Variants in SIGLEC8 observed in about 807,000 individuals in gnomAD.
SIGLEC8 encodes sialic acid-binding Ig-like lectin 8.
A neutral mutation model predicts 42.1 loss-of-function variants in SIGLEC8; 32 were observed. That is an observed-to-expected ratio of 0.76 (90% CI 0.57 to 1.02). SIGLEC8 has a LOEUF of 1.02. SIGLEC8 is among the 50% of genes least tolerant of loss of function. The pLI is 0.00. For synonymous variants in SIGLEC8, 262 were observed against 260.3 expected (o/e 1.01, Z -0.06); for missense variants, 611 against 610.2 (o/e 1.00, Z -0.01).
At chr19:51,453,936 C>T (rs1989428363) in intron 6 of SIGLEC8, 4 of 984,832 alleles carry the variant, frequency 4.1e-6, no homozygotes, top group South Asian at 9.4e-5. Context: ...GCCAGCTATT[C>T]TTGGGGAGGA....
chr19:51,454,739 C>T lies in SIGLEC8; in HGVS notation c.1093G>A (p.Gly365Arg), dbSNP rs752233809. Residue 365 changes from glycine (G) to arginine (R), a missense_variant, in exon 5 of 7, where the codon GGG becomes AGG. Transcript: ENST00000321424. This position sits in a 1 kb window ranked among gnomAD's most constrained non-coding sequence, Gnocchi z 4.7. ...PVSQVTLAAV[G>R]GAGATALAFL... is the part of the protein sequence containing the mutation. ...GCCAGGGCTGTGGCTCCAGCTCCCC[C>T]GACTGCTGCCAGTGTCACTTGTGAT... is the stretch of plus-strand genomic sequence containing the variant. 7.4e-6 allele frequency: 12 copies of T among 1,613,700 alleles called. No homozygotes were observed. The East Asian group carries it at 1.3e-4, about 18-fold the overall frequency.
rs1568515875 is a variant in SIGLEC8, at chr19:51,457,662, GC to G, written c.531del (p.Trp179GlyfsTer10). 1 of 1,610,532 alleles carries G rather than the reference GC, an allele frequency of 6.2e-7. No homozygotes were observed. The highest frequency in any genetic ancestry group is 2.2e-5 in the East Asian group (1 of 44,862). Reference protein sequence around the residue: ...SGHSRNLTCSVPWACKQGTPP... With the variant: ...SGHSRNLTCSXPWACKQGTPP... ...GGTGTCCCCTGCTTACAGGCCCAGG[GC>G]ACAGAGCAGGTCAGGTTCCTGGAGT... On this transcript the variant is annotated frameshift_variant, in exon 2 of 7. Coordinates refer to ENST00000321424, the MANE Select transcript of SIGLEC8 (RefSeq NM_014442.3). LOFTEE classifies it high-confidence loss of function.
chr19:51,455,742 T>C, intron 3 of SIGLEC8, 55 bp from the exon 4 acceptor site: 1 of 1,474,494 alleles, frequency 6.8e-7, no homozygotes, highest in Non-Finnish European at 9.3e-7. Context: ...CCCAAAGGAT[T>C]ATAAATCATG....
rs1361566850 is a variant in SIGLEC8 at position 51,452,510 on chromosome 19, G to C, written c.1369C>G (p.Pro457Ala). 4 of 1,607,592 alleles carry C rather than the reference G, an allele frequency of 2.5e-6. No homozygotes were observed. In the South Asian group the frequency reaches 3.3e-5, roughly 13 times the overall value. The change falls in exon 7 of 7, where the codon CCT becomes GCT. Residue 457 changes from proline to alanine, a missense_variant. By Grantham distance (27) the Pro-to-Ala change is conservative. Coordinates refer to ENST00000321424, the MANE Select transcript of SIGLEC8 (RefSeq NM_014442.3). ...YATLSFHKVK[P>A]QDPQGQEATD... Reference sequence around the variant, plus strand: ...GCCTCCTGTCCCTGCGGGTCCTGAGGCTTCACTTTATGGAAGCTGAGGGTT... The same window carrying C: ...GCCTCCTGTCCCTGCGGGTCCTGAGCCTTCACTTTATGGAAGCTGAGGGTT...
In SIGLEC8 at chr19:51,453,425, C is replaced by T. The variant is rs184849096; in HGVS notation, c.1246-792G>A. On this transcript the variant is annotated intron_variant, in intron 6 of 6. Coordinates refer to ENST00000321424, the MANE Select transcript of SIGLEC8 (RefSeq NM_014442.3). ...AAAGAAATGAATATCAGCTTGGGTG[C>T]GGTGGCTCATGCCCCTAATCCTAAC... 4.6e-3 allele frequency: 4,521 copies of T among 983,304 alleles called. 9 individuals carry two copies. Among genetic ancestry groups the T allele is most frequent in the Admixed American group, 0.012 (193 of 16,274 alleles). The allele number at this position is 983,304 out of a possible 1,614,324, so 60.9% of individuals were successfully genotyped here.
At chr19:51,452,681 A>G (rs746509516) in intron 6 of SIGLEC8, 48 bp from the exon 7 acceptor site, 1 of 1,446,456 alleles carries the variant, frequency 6.9e-7, no homozygotes, top group Non-Finnish European at 9.1e-7. Context: ...TGGGGCCAGG[A>G]TGAGGCAGGG....
intron 3 of SIGLEC8, 141 bp downstream of exon 3, chr19:51,457,043 G>T (rs963536903): frequency 5.1e-6 from 4 of 787,508 alleles, no homozygotes; most frequent in African/African-American, 1.7e-5. Context: ...ACGCGGGCTG[G>T]AGATGTGGGC....
Position 51,457,449 on chromosome 19 carries a change from T to C in SIGLEC8, c.733+12A>G, listed in dbSNP as rs1026483744. On this transcript the variant is annotated intron_variant, in intron 2 of 6. Transcript: ENST00000321424. Reference sequence around the variant, plus strand: ...CCCATGAGGGACCTGGGCATCTTGGTCCAGCACTCACAGGACACATCGAGG... The same window carrying C: ...CCCATGAGGGACCTGGGCATCTTGGCCCAGCACTCACAGGACACATCGAGG... 16 of 1,613,412 alleles carry C rather than the reference T, an allele frequency of 9.9e-6. No individual in the cohort carries two copies. Among genetic ancestry groups the C allele is most frequent in the Non-Finnish European group, 1.3e-5 (15 of 1,179,958 alleles).
chr19:51,453,912 C>A, intron 6 of SIGLEC8: 5 of 984,936 alleles, frequency 5.1e-6, no homozygotes, highest in Non-Finnish European at 6.0e-6. Context: ...TGGCTGGGGC[C>A]AGGGAGAAGA....
Position 51,454,449 on chromosome 19 carries a change from G to T in SIGLEC8, c.1149-134C>A. 6.6e-7 allele frequency: 1 copy of T among 1,507,400 alleles called. No individual in the cohort carries two copies. The highest frequency in any genetic ancestry group is 1.2e-5 in the South Asian group (1 of 84,504). 93.4% of individuals were successfully genotyped at this position (1,507,400 alleles called of 1,614,324 possible). A position where few individuals can be genotyped will look rare whatever the true frequency, so the allele number is the denominator to read the frequency against. On this transcript the variant is annotated intron_variant, in intron 5 of 6. Transcript: ENST00000321424. This position sits in a 1 kb window ranked among gnomAD's most constrained non-coding sequence, Gnocchi z 4.7. Reference sequence around the variant, plus strand: ...GCAACGGCGGTGGTCCAGTTCCAGAGACCCCAACGGTGAAAACAGAGGCTC... The same window carrying T: ...GCAACGGCGGTGGTCCAGTTCCAGATACCCCAACGGTGAAAACAGAGGCTC...
chr19:51,456,244 A>C (rs2122148504), intron 3 of SIGLEC8, among the ~76,000 whole-genome samples: 1 of 152,292 alleles, frequency 6.6e-6, no homozygotes, highest in African/African-American at 2.4e-5. Context: ...AAAAGGAGAC[A>C]GAGGGTCAGA....
At chr19:51,457,873 G>T in intron 1 of SIGLEC8, 61 bp downstream of exon 1, 1 of 1,577,506 alleles carries the variant, frequency 6.3e-7, no homozygotes. Flanking sequence ...CCCCATCCCA[G>T]CCCTGCCTTT....
At chr19:51,457,388 T>C in intron 2 of SIGLEC8, 73 bp downstream of exon 2, 8 of 1,578,478 alleles carry the variant, frequency 5.1e-6, no homozygotes, top group Non-Finnish European at 6.9e-6. Context: ...TGTCCAGGCT[T>C]GAACCCCATC....
intron 6 of SIGLEC8, among the ~76,000 whole-genome samples, chr19:51,453,029 G>A (rs1313732669): frequency 1.3e-5 from 2 of 152,054 alleles, no homozygotes; most frequent in Non-Finnish European, 2.9e-5. Context: ...AAACTATGAT[G>A]GACATGGTAG....
At chr19:51,453,876 A>G (rs771748498) in intron 6 of SIGLEC8, 5 of 985,212 alleles carry the variant, frequency 5.1e-6, no homozygotes, top group Non-Finnish European at 6.0e-6. Context: ...TCCCGCCAAT[A>G]GGAAAAATAA....
At position 51,452,319 on chromosome 19, in the gene SIGLEC8, G is replaced by A. The variant is rs539085563; in HGVS notation, c.*60C>T. The stretch of plus-strand genomic sequence containing the variant: ...TCCAAGTTTTGGTTAGACAGGAGGA[G>A]GGAGCCCTGGTGACCTACTGCATAG... On this transcript the variant is annotated 3_prime_UTR_variant, in exon 7 of 7. Coordinates refer to ENST00000321424, the MANE Select transcript of SIGLEC8 (RefSeq NM_014442.3). 2.2e-5 allele frequency: 32 copies of A among 1,426,992 alleles called. No individual in the cohort carries two copies. In the East Asian group the frequency reaches 7.2e-4, roughly 32 times the overall value. 88.4% of individuals were successfully genotyped at this position (1,426,992 alleles called of 1,614,324 possible).
rs894454978 is a variant in SIGLEC8, at chr19:51,453,483, G to A, written c.1245+736C>T. The A allele has an allele frequency of 1.5e-5, 11 of 732,706 alleles. No homozygotes were observed. In the African/African-American group the frequency reaches 1.9e-4, roughly 13 times the overall value. 45.4% of individuals were successfully genotyped at this position (732,706 alleles called of 1,614,324 possible). A position where few individuals can be genotyped will look rare whatever the true frequency, so the allele number is the denominator to read the frequency against. On this transcript the variant is annotated intron_variant, in intron 6 of 6. Transcript: ENST00000321424. The stretch of plus-strand genomic sequence containing the variant: ...GAGGCTGAGGCGGGCGGATCACGAG[G>A]TCAGGAGTTCGAGACCAGCTGGCCG...
chr19:51,453,719 G>A, intron 6 of SIGLEC8: 3 of 971,966 alleles, frequency 3.1e-6, no homozygotes, highest in Non-Finnish European at 3.7e-6. Context: ...AATAAGAAAT[G>A]AGTATCTACA....
In SIGLEC8 at chr19:51,452,246, T is replaced by C. The variant is rs2122137848; in HGVS notation, c.*133A>G. ...GAGGAGAATGGTGGGTAGTAGAAGC[T>C]AGAGGCAGGGATGGGTCCCTGGTAG... is the stretch of plus-strand genomic sequence containing the variant. On this transcript the variant is annotated 3_prime_UTR_variant, in exon 7 of 7. Transcript: ENST00000321424. The C allele has an allele frequency of 1.5e-6, 1 of 667,248 alleles. No homozygotes were observed. The allele number at this position is 667,248 out of a possible 1,614,324, so 41.3% of individuals were successfully genotyped here.
Sources: gnomAD v4.1 joint callset for allele counts (sites outside exome capture counted in the v4.1 genomes callset) on GRCh38, gnomAD v4.1.1 for gene constraint, Gnocchi (gnomAD v3.1) non-coding constraint, MANE v1.5 for transcripts, NCBI Gene and HGNC (gene_info 2026-07-23, HGNC 2026-07-21) for gene names.